The following TRAIP variants were observed in gnomAD, a reference collection of about 807,000 sequenced individuals.
TRAIP encodes the protein E3 ubiquitin-protein ligase TRAIP.
TRAIP carries 37 observed loss-of-function variants against 65.0 expected under a neutral mutation model. The observed-to-expected ratio is 0.57, with a 90% CI of 0.44 to 0.75. The LOEUF (loss-of-function observed/expected upper bound fraction) is 0.75, where lower values mean the gene tolerates loss of function less well. TRAIP is among the 30% of genes least tolerant of loss of function. TRAIP has a pLI of 0.00. For missense variants in TRAIP, 481 were observed against 579.4 expected, an observed-to-expected ratio of 0.83 and a Z score of 1.74; for synonymous variants, 187 against 219.1, an observed-to-expected ratio of 0.85 and a Z score of 1.29.
At chr3:49,852,993 G>A (rs1172112046) in intron 1 of TRAIP, among the ~76,000 whole-genome samples, 3 of 151,210 alleles carry the variant, frequency 2.0e-5, no homozygotes, top group Admixed American at 6.6e-5. Context: ...ATGATGACAC[G>A]TGCCTTTAGT....
rs111767944 is a variant in TRAIP at position 49,844,629 on chromosome 3, C to G, written c.241-49G>C. The G allele has an allele frequency of 1.5e-4, 249 of 1,610,118 alleles. No homozygotes were observed. In the African/African-American group the frequency reaches 3.0e-3, roughly 19 times the overall value. The stretch of plus-strand genomic sequence containing the variant: ...GCAGCAGGAAAGCATCATAGCTGAC[C>G]TCCACGTGGTCTCCCATAAGGCTGT... On this transcript the variant is annotated intron_variant, in intron 3 of 14. Transcript: ENST00000331456.
Position 49,832,058 on chromosome 3 carries a change from C to T in TRAIP, c.895G>A (p.Val299Met), listed in dbSNP as rs371502657. 1.9e-6 allele frequency: 3 copies of T among 1,594,042 alleles called. No homozygotes were observed. In the South Asian group the frequency reaches 3.4e-5, roughly 18 times the overall value. Residue 299 changes from valine (V) to methionine (M), a missense_variant, in exon 11 of 15, where the codon GTG (valine) becomes ATG (methionine). Transcript: ENST00000331456. Reference sequence around the variant, plus strand: ...CGGCGGAGCTTCAGATTCACCTCCACAGGGGCTGGGCTGAAGGCAGAGATG... The same window carrying T: ...CGGCGGAGCTTCAGATTCACCTCCATAGGGGCTGGGCTGAAGGCAGAGATG... ...DRLVLESPAP[V>M]EVNLKLRRPS...
At chr3:49,842,353 G>A (rs950665963) in intron 6 of TRAIP, 100 bp downstream of exon 6, 10 of 1,214,086 alleles carry the variant, frequency 8.2e-6, no homozygotes, top group Admixed American at 1.7e-5. Context: ...TTTGAGCCTC[G>A]GACATGACCC....
At chr3:49,837,403 C>T (rs114862975) in intron 10 of TRAIP, among the ~76,000 whole-genome samples, 1,783 of 151,984 alleles carry the variant, frequency 0.012, 40 homozygotes, top group African/African-American at 0.04. Context: ...GTTGAGGCTG[C>T]AGTGAGCTGT....
rs774646763 is a variant in TRAIP at position 49,843,818 on chromosome 3, G to A, written c.391C>T (p.Leu131=). ...LQQALGKAEM[L]CSTLKKQMKY... ...GGACCTACTTTCAGTGTGGAGCACA[G>A]CATCTCGGCCTTGCCCAAGGCCTGC... The change falls in exon 5 of 15, where the codon CTG becomes TTG. Residue 131 remains leucine (L), a synonymous_variant. Transcript: ENST00000331456. 3 of 1,613,560 alleles carry A rather than the reference G, an allele frequency of 1.9e-6. No individual in the cohort carries two copies. The East Asian group carries it at 6.7e-5, about 36-fold the overall frequency.
intron 10 of TRAIP, among the ~76,000 whole-genome samples, chr3:49,835,698 G>A (rs2081779540): frequency 6.6e-6 from 1 of 152,052 alleles, no homozygotes; most frequent in African/African-American, 2.4e-5. Context: ...CCAGCACTTT[G>A]GGAGGCCGAG....
intron 3 of TRAIP, among the ~76,000 whole-genome samples, chr3:49,846,659 G>A (rs961062074): frequency 1.3e-5 from 2 of 152,092 alleles, no homozygotes; most frequent in Non-Finnish European, 2.9e-5. Flanking sequence ...TGATTTTTGT[G>A]TCCCCACCTT....
chr3:49,854,646 C>T (rs1040318215), intron 1 of TRAIP, among the ~76,000 whole-genome samples: 1 of 152,120 alleles, frequency 6.6e-6, no homozygotes, highest in Non-Finnish European at 1.5e-5. Flanking sequence ...ACAGAATCGA[C>T]TAAAGACAAT....
At chr3:49,845,805 A>C (rs966025798) in intron 3 of TRAIP, among the ~76,000 whole-genome samples, 5 of 152,204 alleles carry the variant, frequency 3.3e-5, no homozygotes, top group African/African-American at 1.2e-4. Context: ...CCTTCATCAC[A>C]GGGAAGACAC....
chr3:49,829,565 C>G, intron 13 of TRAIP, 52 bp downstream of exon 13: 1 of 1,614,124 alleles, frequency 6.2e-7, no homozygotes. Flanking sequence ...GGCTGGCCAC[C>G]CATTTCTACC....
chr3:49,844,412 C>G (rs1019774280), intron 4 of TRAIP, 129 bp downstream of exon 4: 6 of 1,005,876 alleles, frequency 6.0e-6, no homozygotes, highest in Non-Finnish European at 9.0e-6. Context: ...GCTAGCAGGA[C>G]TCTTGGACAT....
intron 10 of TRAIP, among the ~76,000 whole-genome samples, chr3:49,832,919 G>A (rs971813309): frequency 3.3e-5 from 5 of 152,104 alleles, no homozygotes; most frequent in Non-Finnish European, 7.4e-5. Context: ...TTCCACTGGG[G>A]TGTACACATC....
chr3:49,843,722 G>T, intron 5 of TRAIP, 79 bp downstream of exon 5: 1 of 1,559,888 alleles, frequency 6.4e-7, no homozygotes, highest in Non-Finnish European at 8.7e-7. Flanking sequence ...AGAACCAGAA[G>T]ATAAGCCCAG....
chr3:49,856,499 G>C lies in TRAIP; in HGVS notation c.-46C>G, dbSNP rs769525626. ...CCAGGCAGCCAAAGAAACTGCTACA[G>C]GTCCGGCTTCGTAGACGCGCCCCCG... On this transcript the variant is annotated 5_prime_UTR_variant, in exon 1 of 15. Transcript: ENST00000331456. 6.4e-6 allele frequency: 10 copies of C among 1,559,740 alleles called. No homozygotes were observed. Among genetic ancestry groups the C allele is most frequent in the Non-Finnish European group, 7.9e-6 (9 of 1,141,966 alleles).
chr3:49,835,705 C>T (rs931559211), intron 10 of TRAIP, among the ~76,000 whole-genome samples: 18 of 151,796 alleles, frequency 1.2e-4, no homozygotes, highest in African/African-American at 3.1e-4. Context: ...TTTGGGAGGC[C>T]GAGGTGGGTG....
At chr3:49,849,840 CTTTTT>C (rs1185587392) in intron 1 of TRAIP, among the ~76,000 whole-genome samples, 6 of 89,854 alleles carry the variant, frequency 6.7e-5, no homozygotes, top group Non-Finnish European at 1.0e-4. Flanking sequence ...CTTTTCTTTT[CTTTTT>C]TTTTTTTTTT....
At chr3:49,850,467 C>T (rs2081920902) in intron 1 of TRAIP, among the ~76,000 whole-genome samples, 1 of 147,684 alleles carries the variant, frequency 6.8e-6, no homozygotes, top group African/African-American at 2.5e-5. Flanking sequence ...CCACTGCACT[C>T]CAGCGTGAGG....
rs755169420 is a variant in TRAIP, at chr3:49,831,869, G to A, written c.1037+47C>T. Reference sequence around the variant, plus strand: ...GCACAGGGCCTGCAGAGCTGTCTTAGCTATCCCCCTACCAGCCCATGGACA... The same window carrying A: ...GCACAGGGCCTGCAGAGCTGTCTTAACTATCCCCCTACCAGCCCATGGACA... On this transcript the variant is annotated intron_variant, in intron 11 of 14. Transcript: ENST00000331456. 1.5e-5 allele frequency: 22 copies of A among 1,487,990 alleles called. 1 individual carries two copies. The Admixed American group carries it at 4.4e-4, about 29-fold the overall frequency. The allele number at this position is 1,487,990 out of a possible 1,614,324, so 92.2% of individuals were successfully genotyped here.
At chr3:49,853,846 C>CA (rs984397295) in intron 1 of TRAIP, among the ~76,000 whole-genome samples, 36 of 145,518 alleles carry the variant, frequency 2.5e-4, no homozygotes, top group African/African-American at 6.8e-4. Context: ...GACTCCATCT[C>CA]AAAAAAAAAA....
Sources: gnomAD v4.1 joint callset for allele counts (sites outside exome capture counted in the v4.1 genomes callset) on GRCh38, gnomAD v4.1.1 for gene constraint, MANE v1.5 for transcripts, NCBI Gene and HGNC (gene_info 2026-07-23, HGNC 2026-07-21) for gene names.